The following APBB1IP variants were observed in gnomAD, a reference collection of about 807,000 sequenced individuals.
The protein encoded by APBB1IP is amyloid beta precursor protein binding family B member 1 interacting protein.
A neutral mutation model predicts 64.9 loss-of-function variants in APBB1IP; 27 were observed. The observed-to-expected ratio is 0.42, with a 90% CI of 0.31 to 0.57. The LOEUF (loss-of-function observed/expected upper bound fraction) is 0.57, where lower values mean the gene tolerates loss of function less well. Among genes scored for constraint, APBB1IP ranks in the 20% least tolerant of loss-of-function variants. The pLI is 0.20. For missense variants in APBB1IP, 812 were observed against 845.5 expected (o/e 0.96, Z 0.49); for synonymous variants, 392 against 331.0 (o/e 1.18, Z -2.00).
intron 2 of APBB1IP, 54 bp from the exon 3 acceptor site, chr10:26,492,273 C>G (rs1359887670): frequency 6.6e-7 from 1 of 1,520,920 alleles, no homozygotes; most frequent in Non-Finnish European, 9.1e-7. Context: ...CAAAGAGTAT[C>G]CTAGGATCAG....
At chr10:26,473,118 T>C (rs1366890840) in intron 2 of APBB1IP, among the ~76,000 whole-genome samples, 4 of 152,196 alleles carry the variant, frequency 2.6e-5, no homozygotes, top group African/African-American at 9.7e-5. Context: ...GCCCTTAGTC[T>C]TGTTCCTTAC....
intron 7 of APBB1IP, 68 bp from the exon 8 acceptor site, chr10:26,513,469 AAT>A: frequency 6.4e-7 from 1 of 1,574,180 alleles, no homozygotes; most frequent in South Asian, 1.2e-5. Context: ...TTAACTCAAT[AAT>A]AGCTTGTTTC....
At chr10:26,542,703 T>C (rs1196982006) in intron 11 of APBB1IP, among the ~76,000 whole-genome samples, 4 of 152,136 alleles carry the variant, frequency 2.6e-5, no homozygotes, top group African/African-American at 9.7e-5. Flanking sequence ...TAATAATTGG[T>C]TGAAATTCTT....
chr10:26,502,212 A>G (rs1170068412), intron 5 of APBB1IP, among the ~76,000 whole-genome samples: 2 of 152,248 alleles, frequency 1.3e-5, no homozygotes, highest in Non-Finnish European at 2.9e-5. Flanking sequence ...TCATTTCCTC[A>G]ACATTATAAA....
chr10:26,525,703 A>G (rs980578720), intron 8 of APBB1IP, among the ~76,000 whole-genome samples: 1 of 152,210 alleles, frequency 6.6e-6, no homozygotes, highest in African/African-American at 2.4e-5. Context: ...AAGACAGATT[A>G]CCAACAACAA....
At chr10:26,441,624 T>C (rs929851500) in intron 2 of APBB1IP, among the ~76,000 whole-genome samples, 3 of 152,114 alleles carry the variant, frequency 2.0e-5, no homozygotes, top group African/African-American at 7.2e-5. Flanking sequence ...CACAAGCCCC[T>C]GAGATCCCGT....
intron 13 of APBB1IP, among the ~76,000 whole-genome samples, chr10:26,561,566 A>G (rs78620227): frequency 0.037 from 5,633 of 152,080 alleles, 144 homozygotes; most frequent in Non-Finnish European, 0.055. Flanking sequence ...TCAAAGTACA[A>G]ACATTATATC....
chr10:26,513,670 T>C lies in APBB1IP; in HGVS notation c.813+10T>C. The C allele has an allele frequency of 2.5e-6, 4 of 1,604,186 alleles. No individual in the cohort carries two copies. Among genetic ancestry groups the C allele is most frequent in the Non-Finnish European group, 3.4e-6 (4 of 1,177,652 alleles). On this transcript the variant is annotated intron_variant, in intron 8 of 14. Coordinates refer to ENST00000376236, the MANE Select transcript of APBB1IP (RefSeq NM_019043.4). ...ATTTAAAAACCCCCAGGTAAGATGA[T>C]CTGCATATTGTTAAACCCTATAAAG...
rs531714592 is a variant in APBB1IP, at chr10:26,536,032, A to G, written c.901-42A>G. 6 of 1,535,210 alleles carry G rather than the reference A, an allele frequency of 3.9e-6. No individual in the cohort carries two copies. The East Asian group carries it at 1.2e-4, about 30-fold the overall frequency. ...AAATGTGAATAAAAATGCGTGCTTT[A>G]TCTTTCGTGTGTGTCTTATGTCGTC... On this transcript the variant is annotated intron_variant, in intron 9 of 14. Transcript: ENST00000376236.
intron 9 of APBB1IP, among the ~76,000 whole-genome samples, chr10:26,534,391 G>C (rs1237833256): frequency 6.6e-6 from 1 of 150,924 alleles, no homozygotes; most frequent in East Asian, 1.9e-4. Flanking sequence ...GGTCATGCTA[G>C]AACTGCCCAG....
At chr10:26,478,522 G>A (rs1588577944) in intron 2 of APBB1IP, among the ~76,000 whole-genome samples, 1 of 152,146 alleles carries the variant, frequency 6.6e-6, no homozygotes, top group East Asian at 1.9e-4. Context: ...GTCTGAGGCA[G>A]GAGAATCACT....
chr10:26,446,041 T>C (rs530949980), intron 2 of APBB1IP, among the ~76,000 whole-genome samples: 7 of 152,274 alleles, frequency 4.6e-5, no homozygotes, highest in Admixed American at 2.0e-4. Flanking sequence ...CTTTCAAGTG[T>C]GTTTGTAGGA....
chr10:26,470,174 C>A lies in APBB1IP; in HGVS notation c.1-22153C>A, dbSNP rs1026237642. On this transcript the variant is annotated intron_variant, in intron 2 of 14. Coordinates refer to ENST00000376236, the MANE Select transcript of APBB1IP (RefSeq NM_019043.4). ...AGAAACTGTATTTCAAGGACCCATACAACCATTCTGCTTTACACTTTCAAT... is the reference window on the plus strand; with the variant it reads ...AGAAACTGTATTTCAAGGACCCATAAAACCATTCTGCTTTACACTTTCAAT... Among the ~76,000 whole-genome samples the A allele has an allele frequency of 2.6e-5, 4 of 152,330 alleles. No homozygotes were observed. In the East Asian group the frequency reaches 7.7e-4, roughly 29 times the overall value.
intron 5 of APBB1IP, among the ~76,000 whole-genome samples, chr10:26,502,558 G>T (rs1378184571): frequency 6.6e-6 from 1 of 151,860 alleles, no homozygotes; most frequent in South Asian, 2.1e-4. Context: ...AGGAGAATGG[G>T]GTGAACCCAG....
chr10:26,499,001 T>C (rs1226191593), intron 4 of APBB1IP, among the ~76,000 whole-genome samples: 1 of 152,192 alleles, frequency 6.6e-6, no homozygotes, highest in East Asian at 1.9e-4. Flanking sequence ...CCTGTAATCA[T>C]GCTTGTAATT....
At chr10:26,495,683 T>A (rs1452958782) in intron 3 of APBB1IP, among the ~76,000 whole-genome samples, 1 of 148,542 alleles carries the variant, frequency 6.7e-6, no homozygotes, top group East Asian at 1.9e-4. Flanking sequence ...AAAGCCCTTT[T>A]GGTTTTTGCT....
chr10:26,496,087 T>C (rs899372408), intron 3 of APBB1IP, among the ~76,000 whole-genome samples: 1 of 150,614 alleles, frequency 6.6e-6, no homozygotes, highest in African/African-American at 2.4e-5. Context: ...ATTGACGTGG[T>C]CTGTTTCAAG....
At chr10:26,457,639 G>A (rs944526913) in intron 2 of APBB1IP, among the ~76,000 whole-genome samples, 2 of 152,238 alleles carry the variant, frequency 1.3e-5, no homozygotes, top group East Asian at 3.8e-4. Context: ...CTGGGAACAG[G>A]CTGAAGAGGA....
At chr10:26,495,100 C>G (rs1836003539) in intron 3 of APBB1IP, among the ~76,000 whole-genome samples, 1 of 151,506 alleles carries the variant, frequency 6.6e-6, no homozygotes, top group Non-Finnish European at 1.5e-5. Flanking sequence ...CTCCGCCTCC[C>G]AGGTTCAAGC....
Sources: allele counts gnomAD v4.1 joint callset (sites outside exome capture counted in the v4.1 genomes callset), GRCh38; gene constraint gnomAD v4.1.1; transcripts MANE v1.5; gene names NCBI Gene and HGNC (gene_info 2026-07-23, HGNC 2026-07-21).